The following NCAM2 variants were observed in gnomAD, a reference collection of about 807,000 sequenced individuals.
NCAM2 encodes neural cell adhesion molecule 2.
In NCAM2, 30 loss-of-function variants were observed where a neutral mutation model predicts 98.1. The ratio of observed to expected loss-of-function variants is 0.31; its 90% CI spans 0.23 to 0.41. The LOEUF is 0.41. NCAM2 is among the 10% of genes least tolerant of loss of function. The pLI is 1.00. For synonymous variants in NCAM2, 368 were observed against 342.4 expected (o/e 1.07, Z -0.83); for missense variants, 867 against 1,005.8 (o/e 0.86, Z 1.87).
chr21:21,082,592 T>G (rs1048130149), intron 1 of NCAM2, among the ~76,000 whole-genome samples: 1 of 152,184 alleles, frequency 6.6e-6, no homozygotes, highest in Non-Finnish European at 1.5e-5. Flanking sequence ...TATTACATCA[T>G]TATATCATTA....
chr21:21,102,846 C>G (rs929913659), intron 1 of NCAM2, among the ~76,000 whole-genome samples: 25 of 152,000 alleles, frequency 1.6e-4, no homozygotes, highest in Admixed American at 2.6e-4. Context: ...ATGTTATTTT[C>G]CTGAAAGGTG....
At chr21:21,215,757 C>CGTGT (rs1424510297) in intron 1 of NCAM2, among the ~76,000 whole-genome samples, 3 of 150,948 alleles carry the variant, frequency 2.0e-5, no homozygotes, top group South Asian at 2.1e-4. Flanking sequence ...ACAGAGTAAA[C>CGTGT]GTGTGTGTGT....
intron 1 of NCAM2, among the ~76,000 whole-genome samples, chr21:21,018,341 C>T (rs182724969): frequency 6.6e-6 from 1 of 152,284 alleles, no homozygotes; most frequent in African/African-American, 2.4e-5. Flanking sequence ...GGTTCCAGCT[C>T]AGGGACTGTA....
In NCAM2 at chr21:21,255,667, C is replaced by T. The variant is rs1458295684; in HGVS notation, c.56-24911C>T. ...CCCAGCTACTAGAATGTAAATTTCACAGTGGCAGAGTTTTCCATCTTTTGT... is the reference window on the plus strand; with the variant it reads ...CCCAGCTACTAGAATGTAAATTTCATAGTGGCAGAGTTTTCCATCTTTTGT... On this transcript the variant is annotated intron_variant, in intron 1 of 17. Transcript: ENST00000400546. 9.2e-5 allele frequency among the ~76,000 whole-genome samples: 14 copies of T among 152,198 alleles called. 1 individual carries two copies. The highest frequency in any genetic ancestry group is 1.5e-5 in the Non-Finnish European group (1 of 68,040).
chr21:21,422,706 T>A lies in NCAM2; in HGVS notation c.1480+4137T>A, dbSNP rs1385337141. 2.6e-5 allele frequency among the ~76,000 whole-genome samples: 4 copies of A among 152,290 alleles called. No homozygotes were observed. In the East Asian group the frequency reaches 7.7e-4, roughly 29 times the overall value. On this transcript the variant is annotated intron_variant, in intron 11 of 17. Coordinates refer to ENST00000400546, the MANE Select transcript of NCAM2 (RefSeq NM_004540.5). ...GTTTTCTTAACTTTTAATCCAAATA[T>A]TAACTAGAAATATAAGACAGACAAA...
At chr21:21,244,266 A>G (rs1052022384) in intron 1 of NCAM2, among the ~76,000 whole-genome samples, 4 of 152,132 alleles carry the variant, frequency 2.6e-5, no homozygotes, top group African/African-American at 9.7e-5. Flanking sequence ...CCCAAGAAGA[A>G]AAGAAAAAAA....
intron 1 of NCAM2, among the ~76,000 whole-genome samples, chr21:21,141,296 A>G (rs2067163734): frequency 1.3e-5 from 2 of 152,142 alleles, no homozygotes; most frequent in Admixed American, 1.3e-4. Flanking sequence ...GGAGGCACAT[A>G]TTTGTTGTCT....
chr21:21,163,721 A>G (rs2067862107), intron 1 of NCAM2, among the ~76,000 whole-genome samples: 1 of 152,170 alleles, frequency 6.6e-6, no homozygotes. Flanking sequence ...TACATGTGTT[A>G]TCTATGTAAT....
chr21:21,069,799 G>A (rs141911156), intron 1 of NCAM2, among the ~76,000 whole-genome samples: 7 of 152,032 alleles, frequency 4.6e-5, no homozygotes, highest in African/African-American at 9.7e-5. Flanking sequence ...AACTCCTCTC[G>A]ATGTCTACCT....
At chr21:21,126,281 T>A (rs1359059288) in intron 1 of NCAM2, among the ~76,000 whole-genome samples, 1 of 149,044 alleles carries the variant, frequency 6.7e-6, no homozygotes, top group Non-Finnish European at 1.5e-5. Context: ...TGTATTTGAA[T>A]TAGCGTAACC....
In NCAM2 at chr21:21,248,825, G is replaced by C. The variant is rs987527675; in HGVS notation, c.56-31753G>C. Among the ~76,000 whole-genome samples the C allele has an allele frequency of 1.8e-4, 22 of 120,092 alleles. No homozygotes were observed. In the Admixed American group the frequency reaches 2.0e-3, roughly 11 times the overall value. 78.8% of individuals were successfully genotyped at this position (120,092 alleles called of 152,430 possible). A position where few individuals can be genotyped will look rare whatever the true frequency, so the allele number is the denominator to read the frequency against. ...AAAAAAAAAAAAAAAAAAGATTTAT[G>C]AATTTCTTTCTTTGGCAAAGTGCTT... On this transcript the variant is annotated intron_variant, in intron 1 of 17. Transcript: ENST00000400546.
intron 12 of NCAM2, among the ~76,000 whole-genome samples, chr21:21,435,192 C>T (rs918977287): frequency 7.2e-5 from 11 of 152,210 alleles, no homozygotes; most frequent in Admixed American, 5.9e-4. Flanking sequence ...AAATGCTCCA[C>T]ATTCTCACTT....
At chr21:21,530,891 A>C (rs1463334624) in intron 16 of NCAM2, among the ~76,000 whole-genome samples, 10 of 152,182 alleles carry the variant, frequency 6.6e-5, no homozygotes, top group East Asian at 5.8e-4. Context: ...CAAATTGCCC[A>C]CAGAAGTCTA....
chr21:21,259,588 C>T (rs1409207198), intron 1 of NCAM2, among the ~76,000 whole-genome samples: 1 of 152,130 alleles, frequency 6.6e-6, no homozygotes, highest in Non-Finnish European at 1.5e-5. Flanking sequence ...ACCTACTGAA[C>T]TGGAGCCCAA....
rs987576587 is a variant in NCAM2, at chr21:21,383,069, T to G, written c.1195+9056T>G. 2.6e-5 allele frequency among the ~76,000 whole-genome samples: 4 copies of G among 152,194 alleles called. 1 individual carries two copies. In the East Asian group the frequency reaches 7.7e-4, roughly 29 times the overall value. On this transcript the variant is annotated intron_variant, in intron 9 of 17. Coordinates refer to ENST00000400546, the MANE Select transcript of NCAM2 (RefSeq NM_004540.5). ...TAGTATTTGCATGTGTTTGTTGTAT[T>G]GTTCCTTTACAATTCACCTCACTGT...
chr21:21,128,003 A>G (rs2066862672), intron 1 of NCAM2, among the ~76,000 whole-genome samples: 1 of 152,116 alleles, frequency 6.6e-6, no homozygotes, highest in South Asian at 2.1e-4. Context: ...CTTGCCACCC[A>G]TTGTTACTAC....
chr21:21,496,528 G>A (rs992269607), intron 15 of NCAM2, among the ~76,000 whole-genome samples: 2 of 151,964 alleles, frequency 1.3e-5, no homozygotes, highest in Non-Finnish European at 2.9e-5. Context: ...TGTAGGATGC[G>A]TTGTTCGTGA....
At chr21:21,480,313 G>GTACTTT (rs1569106597) in intron 15 of NCAM2, among the ~76,000 whole-genome samples, 5 of 145,604 alleles carry the variant, frequency 3.4e-5, no homozygotes, top group Non-Finnish European at 7.4e-5. Context: ...CTTGCAGTGA[G>GTACTTT]CCGAGATGGC....
In NCAM2 at chr21:21,022,663, T is replaced by A. The variant is rs1013551941; in HGVS notation, c.55+24045T>A. 3.3e-5 allele frequency among the ~76,000 whole-genome samples: 5 copies of A among 152,294 alleles called. No individual in the cohort carries two copies. In the East Asian group the frequency reaches 9.6e-4, roughly 29 times the overall value. ...TACTATTTATTAATACAATTGCAAA[T>A]TATTTTAACATAATTTCATTTCAAT... On this transcript the variant is annotated intron_variant, in intron 1 of 17. Transcript: ENST00000400546.
Sources: gnomAD v4.1 joint callset for allele counts (sites outside exome capture counted in the v4.1 genomes callset) on GRCh38, gnomAD v4.1.1 for gene constraint, MANE v1.5 for transcripts, NCBI Gene and HGNC (gene_info 2026-07-23, HGNC 2026-07-21) for gene names.